CSMD1: variants seen among roughly 807,000 people sequenced by gnomAD.
CSMD1 encodes the protein CUB and Sushi multiple domains 1, also known as CUB and sushi domain-containing protein 1.
A neutral mutation model predicts 417.5 loss-of-function variants in CSMD1; 213 were observed. That is an observed-to-expected ratio of 0.51 (90% CI 0.46 to 0.57). The LOEUF is 0.57. Ranked by LOEUF, CSMD1 falls within the 20% of genes least tolerant of loss-of-function variation. CSMD1 has a pLI of 0.00. For synonymous variants in CSMD1, 2,862 were observed against 1,736.8 expected, an observed-to-expected ratio of 1.65 and a Z score of -16.11; for missense variants, 6,923 against 4,529.7, an observed-to-expected ratio of 1.53 and a Z score of -15.17.
rs190166381 is a variant in CSMD1 at position 3,873,322 on chromosome 8, G to T, written c.819-119280C>A. ...TCAACCTAAATGCCCATCAGCTGTA[G>T]AATGGATAAAGAAAATGTGATATGT... On this transcript the variant is annotated intron_variant, in intron 5 of 69. Transcript: ENST00000635120. 1.8e-3 allele frequency among the ~76,000 whole-genome samples: 277 copies of T among 152,114 alleles called. 1 individual carries two copies. The highest frequency in any genetic ancestry group is 1.7e-3 in the Non-Finnish European group (114 of 68,004).
chr8:3,282,874 G>C (rs917228306), intron 26 of CSMD1, among the ~76,000 whole-genome samples: 4 of 152,150 alleles, frequency 2.6e-5, no homozygotes, highest in Non-Finnish European at 5.9e-5. Flanking sequence ...GAGCTGCCAA[G>C]AGATAAATTG....
chr8:4,857,452 C>T (rs568682945), intron 1 of CSMD1, among the ~76,000 whole-genome samples: 1 of 151,946 alleles, frequency 6.6e-6, no homozygotes. Context: ...TACAAAAAAC[C>T]CTTCAAAAAA....
At chr8:4,115,612 T>C (rs1372201307) in intron 3 of CSMD1, among the ~76,000 whole-genome samples, 1 of 152,164 alleles carries the variant, frequency 6.6e-6, no homozygotes, top group East Asian at 1.9e-4. Context: ...AATATATACG[T>C]GATCAAACTC....
At position 4,212,082 on chromosome 8, in the gene CSMD1, T is replaced by A. The variant is rs1011113510; in HGVS notation, c.416-179983A>T. On this transcript the variant is annotated intron_variant, in intron 3 of 69. Transcript: ENST00000635120. ...TTCAACTGTAAGAAAGAATATGCCT[T>A]GTCAACGGAACGTAAAAGTCATGAT... Among the ~76,000 whole-genome samples the A allele has an allele frequency of 4.0e-5, 6 of 151,858 alleles. 1 individual carries two copies. The highest frequency in any genetic ancestry group is 3.9e-4 in the Admixed American group (6 of 15,248).
At chr8:4,286,010 G>C (rs1268589626) in intron 3 of CSMD1, among the ~76,000 whole-genome samples, 1 of 152,158 alleles carries the variant, frequency 6.6e-6, no homozygotes, top group African/African-American at 2.4e-5. Context: ...AAGCAGGTTT[G>C]TAAAAAGCTC....
chr8:3,671,042 T>C (rs1340052183), intron 7 of CSMD1, among the ~76,000 whole-genome samples: 1 of 133,378 alleles, frequency 7.5e-6, no homozygotes, highest in Non-Finnish European at 1.7e-5. Context: ...ATATGGGATA[T>C]ATATGTATAT....
chr8:3,886,449 G>A (rs372396505), intron 5 of CSMD1, among the ~76,000 whole-genome samples: 3 of 152,212 alleles, frequency 2.0e-5, no homozygotes, highest in African/African-American at 7.2e-5. Flanking sequence ...TTCTTTACAA[G>A]GCCAGATAAT....
At chr8:4,136,926 G>T (rs1204844946) in intron 3 of CSMD1, among the ~76,000 whole-genome samples, 1 of 152,156 alleles carries the variant, frequency 6.6e-6, no homozygotes, top group Non-Finnish European at 1.5e-5. Flanking sequence ...TTTCTCCCAA[G>T]TACTAGATTA....
intron 12 of CSMD1, among the ~76,000 whole-genome samples, chr8:3,460,072 G>T (rs574048716): frequency 1.3e-5 from 2 of 152,282 alleles, no homozygotes; most frequent in East Asian, 3.9e-4. Context: ...CATTCCCAGA[G>T]CTTCTGTCTC....
At chr8:4,348,433 A>T (rs901706609) in intron 3 of CSMD1, among the ~76,000 whole-genome samples, 1 of 152,174 alleles carries the variant, frequency 6.6e-6, no homozygotes. Flanking sequence ...TTTAAAAATC[A>T]GAATATTAGG....
chr8:3,033,517 C>T lies in CSMD1; in HGVS notation c.7661-4004G>A, dbSNP rs140854729. On this transcript the variant is annotated intron_variant, in intron 50 of 69. Coordinates refer to ENST00000635120, the MANE Select transcript of CSMD1 (RefSeq NM_033225.6). ...CACGGGAACAGAAAACCAAACACCG[C>T]GTGTTCTCATTTATAAGTGGGAGTT... Among the ~76,000 whole-genome samples the T allele has an allele frequency of 5.3e-4, 80 of 152,090 alleles. 2 individuals are homozygous for T. Among genetic ancestry groups the T allele is most frequent in the African/African-American group, 1.7e-3 (71 of 41,512 alleles).
chr8:3,519,530 A>C (rs1423159922), intron 10 of CSMD1, among the ~76,000 whole-genome samples: 1 of 152,172 alleles, frequency 6.6e-6, no homozygotes, highest in East Asian at 1.9e-4. Flanking sequence ...ACAGTGTCAG[A>C]AAGCTCATTT....
At chr8:4,535,169 T>G (rs929996347) in intron 2 of CSMD1, among the ~76,000 whole-genome samples, 8 of 152,336 alleles carry the variant, frequency 5.3e-5, no homozygotes, top group African/African-American at 1.9e-4. Flanking sequence ...TAATGCAGTA[T>G]AATCTATATA....
intron 5 of CSMD1, among the ~76,000 whole-genome samples, chr8:3,802,169 T>C (rs939295882): frequency 6.6e-6 from 1 of 152,112 alleles, no homozygotes; most frequent in Non-Finnish European, 1.5e-5. Context: ...ATAATTACTA[T>C]GACAATAAAG....
chr8:4,399,000 C>A (rs542559441), intron 3 of CSMD1, among the ~76,000 whole-genome samples: 1 of 152,262 alleles, frequency 6.6e-6, no homozygotes, highest in African/African-American at 2.4e-5. Flanking sequence ...TTACTGAGCA[C>A]CTAATATGTA....
chr8:4,811,439 A>C (rs1414432107), intron 1 of CSMD1, among the ~76,000 whole-genome samples: 3 of 152,084 alleles, frequency 2.0e-5, no homozygotes, highest in Non-Finnish European at 2.9e-5. Flanking sequence ...TTGCTATTTG[A>C]TTATTTTTGT....
At chr8:4,344,185 T>C (rs1422178293) in intron 3 of CSMD1, among the ~76,000 whole-genome samples, 2 of 152,232 alleles carry the variant, frequency 1.3e-5, no homozygotes, top group East Asian at 3.9e-4. Flanking sequence ...TATTTTCAGA[T>C]TTCTCTGTAA....
At chr8:4,721,907 G>T (rs188787191) in intron 1 of CSMD1, among the ~76,000 whole-genome samples, 319 of 152,182 alleles carry the variant, frequency 2.1e-3, no homozygotes, top group African/African-American at 7.4e-3. Flanking sequence ...TATGTCAAGA[G>T]AAATAAACCA....
At chr8:4,924,745 A>AAAAAAAC (rs869281900) in intron 1 of CSMD1, among the ~76,000 whole-genome samples, 1 of 149,646 alleles carries the variant, frequency 6.7e-6, no homozygotes, top group African/African-American at 2.5e-5. Context: ...AAAAAAAAAA[A>AAAAAAAC]CCTACAAAAA....
Sources: allele counts gnomAD v4.1 joint callset (sites outside exome capture counted in the v4.1 genomes callset), GRCh38; gene constraint gnomAD v4.1.1; transcripts MANE v1.5; gene names NCBI Gene and HGNC (gene_info 2026-07-23, HGNC 2026-07-21).